The following DENND2A variants were observed in gnomAD, a reference collection of about 807,000 sequenced individuals.
The protein encoded by DENND2A is DENN domain containing 2A.
In DENND2A, 53 loss-of-function variants were observed where a neutral mutation model predicts 105.3. The ratio of observed to expected loss-of-function variants is 0.50; its 90% CI spans 0.40 to 0.63. The LOEUF is 0.63. Among genes scored for constraint, DENND2A ranks in the 30% least tolerant of loss-of-function variants. DENND2A has a pLI of 0.00. For synonymous variants in DENND2A, 522 were observed against 508.4 expected (o/e 1.03, Z -0.36); for missense variants, 1,138 against 1,279.6 (o/e 0.89, Z 1.69).
Position 140,544,684 on chromosome 7 carries a change from T to A in DENND2A, c.2261A>T (p.His754Leu). 1 of 1,613,804 alleles carries A rather than the reference T, an allele frequency of 6.2e-7. No homozygotes were observed. The highest frequency in any genetic ancestry group is 8.5e-7 in the Non-Finnish European group (1 of 1,179,966). The change falls in exon 14 of 20, where the codon CAC becomes CTC. Residue 754 changes from histidine (H) to leucine (L), a missense_variant. By Grantham distance (99) the His-to-Leu change is moderately conservative (BLOSUM62 -3). Transcript: ENST00000496613. The stretch of plus-strand genomic sequence containing the variant: ...CAGGGAGGCAAACACACAGACCAGG[T>A]GGCGGACGCTGAGGGAGGAGAAGAG... Reference protein sequence around the residue: ...ESLFSSLSVRHLVCVFASLLL... With the variant: ...ESLFSSLSVRLLVCVFASLLL...
In DENND2A at chr7:140,639,073, C is replaced by T. The variant is rs529375524; in HGVS notation, c.-248+1431G>A. Among the ~76,000 whole-genome samples, 12 of 152,296 alleles carry T rather than the reference C, an allele frequency of 7.9e-5. No homozygotes were observed. In the South Asian group the frequency reaches 1.5e-3, roughly 18 times the overall value. ...CTTCCAGAATGAAAGGACTGGAGGC[C>T]AGGCACAGTGGCTCAAGCCTGTAAT... On this transcript the variant is annotated intron_variant, in intron 1 of 19. Coordinates refer to ENST00000496613, the MANE Select transcript of DENND2A (RefSeq NM_015689.5).
Position 140,601,882 on chromosome 7 carries a change from A to G in DENND2A, c.516T>C (p.Asp172=), listed in dbSNP as rs747162996. The G allele has an allele frequency of 4.6e-5, 75 of 1,613,948 alleles. No individual in the cohort carries two copies. The highest frequency in any genetic ancestry group is 5.8e-5 in the Non-Finnish European group (68 of 1,180,012). ...QVKKLEQALK[D]GSAGLDPQLP... ...ACTGGGGATCCAGCCCTGCCGACCC[A>G]TCCTTCAAAGCCTGCTCGAGTTTCT... The change falls in exon 3 of 20, where the codon GAT becomes GAC. Residue 172 remains aspartate, a synonymous_variant. Coordinates refer to ENST00000496613, the MANE Select transcript of DENND2A (RefSeq NM_015689.5).
At position 140,527,447 on chromosome 7, in the gene DENND2A, G is replaced by A. The variant is rs770559076; in HGVS notation, c.2376C>T (p.Phe792=). The change falls in exon 15 of 20, where the codon TTC becomes TTT. Residue 792 remains phenylalanine (F), a synonymous_variant. Coordinates refer to ENST00000496613, the MANE Select transcript of DENND2A (RefSeq NM_015689.5). The surrounding 1 kb of genome is among the most constrained non-coding windows in gnomAD (Gnocchi z 4.9). ...CCGGGATGTAGGTGTGCTGCCAGGC[G>A]AAGGGGTAGATCAGCGCCACCATCG... is the stretch of plus-strand genomic sequence containing the variant. ...CHAMVALIYP[F]AWQHTYIPVL... 42 of 1,605,774 alleles carry A rather than the reference G, an allele frequency of 2.6e-5. No individual in the cohort carries two copies. In the East Asian group the frequency reaches 6.5e-4, roughly 25 times the overall value.
At chr7:140,576,174 A>G (rs1035460339) in intron 5 of DENND2A, among the ~76,000 whole-genome samples, 5 of 152,030 alleles carry the variant, frequency 3.3e-5, no homozygotes, top group Non-Finnish European at 7.4e-5. Flanking sequence ...TGAGCTCTAC[A>G]TAGAACAGAT....
At chr7:140,542,818 G>A (rs1248432386) in intron 14 of DENND2A, among the ~76,000 whole-genome samples, 3 of 151,814 alleles carry the variant, frequency 2.0e-5, no homozygotes, top group Non-Finnish European at 4.4e-5. Context: ...CACCTGCCTC[G>A]GCCTCCCAAA....
chr7:140,519,555 T>C, intron 19 of DENND2A, 77 bp downstream of exon 19: 1 of 1,332,360 alleles, frequency 7.5e-7, no homozygotes, highest in South Asian at 1.2e-5. Flanking sequence ...CTGGCTCCAG[T>C]GGAGGGAACC....
Position 140,580,509 on chromosome 7 carries a change from G to A in DENND2A, c.1245+5080C>T, listed in dbSNP as rs114641713. Reference sequence around the variant, plus strand: ...TAATTTTTAAATTTTTTATAGAGATGGGGTCTTACTATGTTGACCAGGCTG... The same window carrying A: ...TAATTTTTAAATTTTTTATAGAGATAGGGTCTTACTATGTTGACCAGGCTG... On this transcript the variant is annotated intron_variant, in intron 5 of 19. Coordinates refer to ENST00000496613, the MANE Select transcript of DENND2A (RefSeq NM_015689.5). Among the ~76,000 whole-genome samples, 919 of 152,146 alleles carry A rather than the reference G, an allele frequency of 6.0e-3. 6 individuals are homozygous for A. Among genetic ancestry groups the A allele is most frequent in the African/African-American group, 0.02 (850 of 41,526 alleles).
At chr7:140,534,197 G>C (rs1001604911) in intron 14 of DENND2A, among the ~76,000 whole-genome samples, 1 of 148,924 alleles carries the variant, frequency 6.7e-6, no homozygotes, top group Non-Finnish European at 1.5e-5. Context: ...TGATTCTCCT[G>C]CCTCAGCCTC....
Position 140,607,524 on chromosome 7 carries a change from T to C in DENND2A, c.-247-1718A>G, listed in dbSNP as rs144748296. On this transcript the variant is annotated intron_variant, in intron 1 of 19. Coordinates refer to ENST00000496613, the MANE Select transcript of DENND2A (RefSeq NM_015689.5). The stretch of plus-strand genomic sequence containing the variant: ...TCAGCACCAGACATTGTGGGGCTTA[T>C]CTATGTTGTAACTGAGCCTACTTCT... Among the ~76,000 whole-genome samples, 10 of 152,282 alleles carry C rather than the reference T, an allele frequency of 6.6e-5. No homozygotes were observed. In the East Asian group the frequency reaches 1.5e-3, roughly 24 times the overall value.
At chr7:140,572,399 T>A (rs1798127653) in intron 6 of DENND2A, among the ~76,000 whole-genome samples, 1 of 151,730 alleles carries the variant, frequency 6.6e-6, no homozygotes, top group African/African-American at 2.4e-5. Context: ...CTGCATAAAG[T>A]TTTACATTTT....
In DENND2A at chr7:140,518,689, T is replaced by C. The variant is rs1795745942; in HGVS notation, c.*18A>G. On this transcript the variant is annotated 3_prime_UTR_variant, in exon 20 of 20. Transcript: ENST00000496613. ...CATAGGGCTGCACTAGGAGGAAGTT[T>C]TCCCTTGAGGCTGAGAGTTATTTCT... 1 of 1,612,850 alleles carries C rather than the reference T, an allele frequency of 6.2e-7. No individual in the cohort carries two copies.
At position 140,574,013 on chromosome 7, in the gene DENND2A, G is replaced by A. The variant is rs1252542042; in HGVS notation, c.1246-5C>T. ...AGCAGGTTTGGACAATGACTGCTGT[G>A]AAGGAAAAGGAGAAAAGAAGAGTAA... is the stretch of plus-strand genomic sequence containing the variant. On this transcript the variant is annotated splice_region_variant and splice_polypyrimidine_tract_variant and intron_variant, in intron 5 of 19. Transcript: ENST00000496613. 1.2e-6 allele frequency: 2 copies of A among 1,614,136 alleles called. No homozygotes were observed.
At chr7:140,584,494 T>C (rs1034416354) in intron 5 of DENND2A, among the ~76,000 whole-genome samples, 3 of 152,202 alleles carry the variant, frequency 2.0e-5, no homozygotes, top group Admixed American at 2.0e-4. Flanking sequence ...GTAGGATCTA[T>C]GGGAGATTAG....
Position 140,519,529 on chromosome 7 carries a change from T to C in DENND2A, c.2998+103A>G, listed in dbSNP as rs1795776640. ...CTGCCCAGCGCAGGCCGTAGAGCTC[T>C]GCATTATTCAGGGCGCTGGCTCCAG... is the stretch of plus-strand genomic sequence containing the variant. On this transcript the variant is annotated intron_variant, in intron 19 of 19. Coordinates refer to ENST00000496613, the MANE Select transcript of DENND2A (RefSeq NM_015689.5). The C allele has an allele frequency of 3.1e-6, 3 of 967,332 alleles. No individual in the cohort carries two copies. In the South Asian group the frequency reaches 4.1e-5, roughly 13 times the overall value. The allele number at this position is 967,332 out of a possible 1,614,324, so 59.9% of individuals were successfully genotyped here.
chr7:140,557,509 GTATA>G lies in DENND2A; in HGVS notation c.1959+630_1959+633del, dbSNP rs1264932411. Among the ~76,000 whole-genome samples, 64 of 16,776 alleles carry G rather than the reference GTATA, an allele frequency of 3.8e-3. 1 individual carries two copies. The highest frequency in any genetic ancestry group is 8.0e-3 in the African/African-American group (59 of 7,354). The allele number at this position is 16,776 out of a possible 152,430, so 11.0% of individuals were successfully genotyped here. ...TGTTTTTTTAATGTTTTATTTTTTAGTATATATATATATATATATATATTTTTTT... is the reference window on the plus strand; with the variant it reads ...TGTTTTTTTAATGTTTTATTTTTTAGTATATATATATATATATATTTTTTT... On this transcript the variant is annotated intron_variant, in intron 11 of 19. Coordinates refer to ENST00000496613, the MANE Select transcript of DENND2A (RefSeq NM_015689.5).
At chr7:140,604,873 T>C (rs773726304) in intron 2 of DENND2A, among the ~76,000 whole-genome samples, 6 of 152,218 alleles carry the variant, frequency 3.9e-5, no homozygotes, top group Non-Finnish European at 8.8e-5. Context: ...ATTTATTCAA[T>C]GAATGAATGA....
At position 140,519,704 on chromosome 7, in the gene DENND2A, G is replaced by C; in HGVS notation, c.2926C>G (p.Arg976Gly). 1 of 1,614,058 alleles carries C rather than the reference G, an allele frequency of 6.2e-7. No individual in the cohort carries two copies. Among genetic ancestry groups the C allele is most frequent in the Non-Finnish European group, 8.5e-7 (1 of 1,179,996 alleles). The change falls in exon 19 of 20, where the codon CGA becomes GGA. Residue 976 changes from arginine to glycine, a missense_variant. Around this residue, in one of 2 missense-constraint regions of DENND2A, gnomAD observed 627 missense variants for 779.8 expected, o/e 0.80. Coordinates refer to ENST00000496613, the MANE Select transcript of DENND2A (RefSeq NM_015689.5). ...RQDAKGLFEVRAQEYLETLPS... is the reference protein window; with the variant it reads ...RQDAKGLFEVGAQEYLETLPS... ...AGTGTTTCCAGATACTCTTGGGCTC[G>C]GACCTCAAACAGACCTGTTAACAAG...
intron 9 of DENND2A, among the ~76,000 whole-genome samples, chr7:140,563,180 C>T (rs952023414): frequency 6.6e-6 from 1 of 152,206 alleles, no homozygotes; most frequent in African/African-American, 2.4e-5. Context: ...GAGCAGACCT[C>T]GTGGGGAAAC....
intron 5 of DENND2A, among the ~76,000 whole-genome samples, chr7:140,585,202 A>G (rs1027040473): frequency 6.6e-6 from 1 of 152,202 alleles, no homozygotes. Context: ...CCCTGACTCA[A>G]TTAAATCAAC....
Sources: allele counts gnomAD v4.1 joint callset (sites outside exome capture counted in the v4.1 genomes callset), GRCh38; gene constraint gnomAD v4.1.1; regional missense constraint gnomAD v4.1.1; non-coding constraint Gnocchi (gnomAD v3.1); transcripts MANE v1.5; gene names NCBI Gene and HGNC (gene_info 2026-07-23, HGNC 2026-07-21).